SRPK2: variants seen among roughly 807,000 people sequenced by gnomAD.
SRPK2 encodes the protein SFRS protein kinase 2.
A neutral mutation model predicts 90.8 loss-of-function variants in SRPK2; 21 were observed. That is an observed-to-expected ratio of 0.23 (90% CI 0.16 to 0.33). The LOEUF is 0.33. Among genes scored for constraint, SRPK2 ranks in the 10% least tolerant of loss-of-function variants. The probability of loss-of-function intolerance (pLI) is 1.00; values close to 1 mark genes in which losing one functional copy is unlikely to be tolerated. For missense variants in SRPK2, 620 were observed against 869.0 expected (o/e 0.71, Z 3.60); for synonymous variants, 288 against 311.1 (o/e 0.93, Z 0.78).
chr7:105,310,082 G>C (rs935457246), intron 2 of SRPK2, among the ~76,000 whole-genome samples: 11 of 152,180 alleles, frequency 7.2e-5, no homozygotes, highest in Admixed American at 6.5e-4. Flanking sequence ...AAGCCAAACA[G>C]AAAGGAAAAC....
chr7:105,207,428 T>C (rs1042160186), intron 2 of SRPK2, among the ~76,000 whole-genome samples: 1 of 152,002 alleles, frequency 6.6e-6, no homozygotes, highest in African/African-American at 2.4e-5. Flanking sequence ...ATTAAGTCTA[T>C]CAACAGATTA....
At chr7:105,216,696 A>C (rs10280336) in intron 2 of SRPK2, among the ~76,000 whole-genome samples, 36,370 of 151,316 alleles carry the variant, frequency 0.24, 5,869 homozygotes, top group East Asian at 0.58. Context: ...ACACCACCAC[A>C]ACAACAAAAT....
At chr7:105,276,017 A>T (rs1806435530) in intron 2 of SRPK2, among the ~76,000 whole-genome samples, 1 of 152,210 alleles carries the variant, frequency 6.6e-6, no homozygotes, top group Non-Finnish European at 1.5e-5. Context: ...TTCACTTGCC[A>T]AATTCTTTAC....
rs146967923 is a variant in SRPK2, at chr7:105,119,798, T to C, written c.1916-1776A>G. Among the ~76,000 whole-genome samples the C allele has an allele frequency of 4.1e-3, 629 of 152,292 alleles. 20 individuals carry two copies. The East Asian group carries it at 0.073, about 18-fold the overall frequency. ...TAAACCCTGGTTGCACCACCCCAAA[T>C]TCATGCCTAATATATGCTGGCACAA... On this transcript the variant is annotated intron_variant, in intron 15 of 15. Coordinates refer to ENST00000393651, the MANE Select transcript of SRPK2 (RefSeq NM_182692.3).
downstream of SRPK2, chr7:105,115,176 T>G (rs1341213923): frequency 2.0e-5 from 3 of 152,230 alleles, no homozygotes; most frequent in African/African-American, 7.2e-5. Flanking sequence ...TACCAAAATT[T>G]CATTCAAGTT....
chr7:105,211,847 C>T (rs1406238546), intron 2 of SRPK2, among the ~76,000 whole-genome samples: 1 of 152,198 alleles, frequency 6.6e-6, no homozygotes, highest in Non-Finnish European at 1.5e-5. Flanking sequence ...ACGTAGTACA[C>T]AGCCAACTCA....
chr7:105,245,178 G>A (rs1801469099), intron 2 of SRPK2, among the ~76,000 whole-genome samples: 2 of 152,018 alleles, frequency 1.3e-5, no homozygotes, highest in South Asian at 4.1e-4. Context: ...CACCAGAAAC[G>A]TGAACATGAG....
chr7:105,370,074 G>T (rs1013906479), intron 2 of SRPK2, among the ~76,000 whole-genome samples: 3 of 151,580 alleles, frequency 2.0e-5, no homozygotes, highest in Non-Finnish European at 4.4e-5. Flanking sequence ...TAGCTAGCTG[G>T]CATCAAACAC....
At chr7:105,378,761 C>CA (rs35549009) in intron 2 of SRPK2, among the ~76,000 whole-genome samples, 26,625 of 91,930 alleles carry the variant, frequency 0.29, 3,146 homozygotes, top group Admixed American at 0.36. Context: ...GACTCCGTCT[C>CA]AAAAAAAAAA....
chr7:105,288,674 C>A (rs556872276), intron 2 of SRPK2, among the ~76,000 whole-genome samples: 1 of 151,986 alleles, frequency 6.6e-6, no homozygotes, highest in Non-Finnish European at 1.5e-5. Flanking sequence ...GTTTCTACTG[C>A]GAAATGGGTG....
intron 2 of SRPK2, among the ~76,000 whole-genome samples, chr7:105,311,065 C>G (rs1237520116): frequency 6.6e-6 from 1 of 152,024 alleles, no homozygotes; most frequent in Non-Finnish European, 1.5e-5. Context: ...AAGTAAAGAG[C>G]TGTTTTGGGC....
chr7:105,183,359 C>G (rs1461538147), intron 3 of SRPK2, among the ~76,000 whole-genome samples: 1 of 152,204 alleles, frequency 6.6e-6, no homozygotes, highest in East Asian at 1.9e-4. Context: ...AGAACCATGT[C>G]TCAATACCAA....
chr7:105,206,850 T>C (rs572913315), intron 2 of SRPK2, among the ~76,000 whole-genome samples: 18 of 152,362 alleles, frequency 1.2e-4, no homozygotes, highest in African/African-American at 4.3e-4. Context: ...ACTCTGGACC[T>C]TTCAGATCCA....
At chr7:105,386,052 C>A (rs1344712284) in intron 2 of SRPK2, among the ~76,000 whole-genome samples, 1 of 152,148 alleles carries the variant, frequency 6.6e-6, no homozygotes, top group Non-Finnish European at 1.5e-5. Context: ...TGGTGGCTCA[C>A]GCCTGTAATC....
intron 2 of SRPK2, among the ~76,000 whole-genome samples, chr7:105,377,636 T>C (rs903933850): frequency 1.3e-5 from 2 of 151,970 alleles, no homozygotes; most frequent in East Asian, 3.9e-4. Flanking sequence ...AGGCAGATGC[T>C]GCAGTGAGAA....
chr7:105,208,602 G>A (rs1232650083), intron 2 of SRPK2, among the ~76,000 whole-genome samples: 1 of 152,072 alleles, frequency 6.6e-6, no homozygotes, highest in Non-Finnish European at 1.5e-5. Context: ...TATAGAGATG[G>A]GGTAAATCAG....
chr7:105,205,747 G>T (rs1796153392), intron 2 of SRPK2, among the ~76,000 whole-genome samples: 1 of 152,128 alleles, frequency 6.6e-6, no homozygotes, highest in South Asian at 2.1e-4. Flanking sequence ...TCAGTAGTTT[G>T]CCACTTCCCC....
intron 2 of SRPK2, among the ~76,000 whole-genome samples, chr7:105,375,939 C>T (rs1411696656): frequency 6.7e-6 from 1 of 149,366 alleles, no homozygotes; most frequent in East Asian, 2.0e-4. Context: ...CACTTGAGCC[C>T]AGCAGTTTGA....
At chr7:105,186,951 C>T (rs1793656470) in intron 3 of SRPK2, among the ~76,000 whole-genome samples, 1 of 152,176 alleles carries the variant, frequency 6.6e-6, no homozygotes, top group South Asian at 2.1e-4. Context: ...CAGATGTAAG[C>T]TTTCAGTTAA....
Sources: allele counts gnomAD v4.1 joint callset (sites outside exome capture counted in the v4.1 genomes callset), GRCh38; gene constraint gnomAD v4.1.1; transcripts MANE v1.5; gene names NCBI Gene and HGNC (gene_info 2026-07-23, HGNC 2026-07-21).